PVT1: variants seen among roughly 807,000 people sequenced by gnomAD.
PVT1 encodes CXCR4/PVT1 fusion.
intron 2 of PVT1, among the ~76,000 whole-genome samples, chr8:127,813,062 A>G (rs1463324219): frequency 6.6e-6 from 1 of 151,268 alleles, no homozygotes; most frequent in Non-Finnish European, 1.5e-5. Flanking sequence ...AAATGGCATT[A>G]TATAGATATT....
intron 5 of PVT1, among the ~76,000 whole-genome samples, chr8:128,071,601 C>A (rs1189035133): frequency 1.3e-5 from 2 of 151,668 alleles, no homozygotes; most frequent in Non-Finnish European, 2.9e-5. Context: ...GGGAGGATCG[C>A]TTGAGCCCAG....
In PVT1 at chr8:127,960,323, C is replaced by G. The variant is rs1308190176; in HGVS notation, n.783-28839C>G. ...GTGGCAGAAGCCAGATCTCAGGTCA[C>G]AGAGTGGCTCTCCTCCATTTGCCTC... On this transcript the variant is annotated intron_variant and non_coding_transcript_variant, in intron 3 of 10. Transcript: ENST00000651587. 2.6e-5 allele frequency among the ~76,000 whole-genome samples: 4 copies of G among 152,258 alleles called. No individual in the cohort carries two copies. The East Asian group carries it at 5.8e-4, about 22-fold the overall frequency.
At chr8:128,088,200 C>T (rs951833556) in intron 5 of PVT1, among the ~76,000 whole-genome samples, 1 of 152,186 alleles carries the variant, frequency 6.6e-6, no homozygotes, top group African/African-American at 2.4e-5. Flanking sequence ...CTGGGCAGCC[C>T]CCTCAGCAAG....
intron 4 of PVT1, among the ~76,000 whole-genome samples, chr8:128,056,817 G>A (rs1813767878): frequency 6.6e-6 from 1 of 152,200 alleles, no homozygotes; most frequent in Admixed American, 6.5e-5. Flanking sequence ...AAACGTCATA[G>A]GCGCTTCTGA....
intron 2 of PVT1, among the ~76,000 whole-genome samples, chr8:127,817,002 A>G (rs1814668960): frequency 6.6e-6 from 1 of 152,090 alleles, no homozygotes; most frequent in Non-Finnish European, 1.5e-5. Context: ...AGTTGTTCGC[A>G]GGTGTCCCCC....
chr8:127,811,446 T>A (rs1016872923), intron 2 of PVT1, among the ~76,000 whole-genome samples: 4 of 152,082 alleles, frequency 2.6e-5, no homozygotes, highest in Non-Finnish European at 5.9e-5. Context: ...TCCTTTCCAT[T>A]CCCCCTGGGC....
rs756066672 is a variant in PVT1 at position 127,950,770 on chromosome 8, C to T, written n.783-38392C>T. Among the ~76,000 whole-genome samples the T allele has an allele frequency of 5.3e-5, 8 of 152,200 alleles. No individual in the cohort carries two copies. The East Asian group carries it at 5.8e-4, about 11-fold the overall frequency. ...TTCAGGTGCTCACAAGGAGCACCTT[C>T]GAGTGAGGAGGTGTAGGAGGGAGGA... On this transcript the variant is annotated intron_variant and non_coding_transcript_variant, in intron 3 of 10. Coordinates refer to ENST00000651587, the Ensembl canonical transcript of PVT1.
chr8:128,087,743 G>A (rs1814276650), intron 5 of PVT1, among the ~76,000 whole-genome samples: 1 of 132,232 alleles, frequency 7.6e-6, no homozygotes, highest in Admixed American at 8.5e-5. Flanking sequence ...TTCCTGATGT[G>A]CTACTTTTTT....
chr8:127,988,422 G>A (rs1025720014), intron 3 of PVT1, among the ~76,000 whole-genome samples: 1 of 152,206 alleles, frequency 6.6e-6, no homozygotes, highest in Non-Finnish European at 1.5e-5. Context: ...TGAAGGACAG[G>A]AGAGAAGGTC....
At chr8:128,034,899 C>T (rs1370856481) in intron 4 of PVT1, among the ~76,000 whole-genome samples, 1 of 152,146 alleles carries the variant, frequency 6.6e-6, no homozygotes, top group East Asian at 1.9e-4. Flanking sequence ...CCACAGTTTC[C>T]CCATCTGTAA....
chr8:127,800,635 G>T (rs1401831659), intron 2 of PVT1, among the ~76,000 whole-genome samples: 3 of 152,000 alleles, frequency 2.0e-5, no homozygotes, highest in African/African-American at 4.8e-5. Flanking sequence ...TCTCGATAGG[G>T]CTTATCTTCC....
chr8:127,930,079 G>T (rs1816185102), intron 3 of PVT1, among the ~76,000 whole-genome samples: 1 of 152,168 alleles, frequency 6.6e-6, no homozygotes, highest in African/African-American at 2.4e-5. Flanking sequence ...GATTTGCTGT[G>T]TGTTCCCAGC....
intron 3 of PVT1, among the ~76,000 whole-genome samples, chr8:127,946,337 A>G (rs958450413): frequency 6.6e-6 from 1 of 152,214 alleles, no homozygotes; most frequent in African/African-American, 2.4e-5. Context: ...AGTCTAGTGG[A>G]GGAAGGGGGA....
chr8:128,011,767 C>G (rs1411842211), intron 4 of PVT1, among the ~76,000 whole-genome samples: 1 of 152,048 alleles, frequency 6.6e-6, no homozygotes, highest in Non-Finnish European at 1.5e-5. Flanking sequence ...GAGAAGAGGT[C>G]AAATATACTT....
At chr8:128,072,185 A>G (rs978005777) in intron 5 of PVT1, among the ~76,000 whole-genome samples, 5 of 152,208 alleles carry the variant, frequency 3.3e-5, no homozygotes, top group African/African-American at 1.2e-4. Flanking sequence ...CCAAGGGAAC[A>G]TCACCATTGC....
At chr8:127,989,091 A>T (rs1185302448) in intron 3 of PVT1, 2 of 152,244 alleles carry the variant, frequency 1.3e-5, no homozygotes, top group South Asian at 2.1e-4. Flanking sequence ...TAAATGAATG[A>T]AACATCTCAT....
chr8:127,861,367 G>T (rs1473016241), intron 2 of PVT1, among the ~76,000 whole-genome samples: 4 of 152,194 alleles, frequency 2.6e-5, no homozygotes, highest in African/African-American at 9.7e-5. Flanking sequence ...CCAGCACTTT[G>T]GGAGGCCAAG....
chr8:128,037,870 T>G (rs974405951), intron 4 of PVT1, among the ~76,000 whole-genome samples: 2 of 152,184 alleles, frequency 1.3e-5, no homozygotes, highest in African/African-American at 4.8e-5. Context: ...GAACCACTGG[T>G]GTAGACTAGT....
At chr8:127,798,218 T>G (rs1814419573) in intron 2 of PVT1, among the ~76,000 whole-genome samples, 1 of 151,482 alleles carries the variant, frequency 6.6e-6, no homozygotes, top group South Asian at 2.1e-4. Context: ...GCAGGAGAAT[T>G]GCTTGAACCC....
Sources: gnomAD v4.1 joint callset for allele counts (sites outside exome capture counted in the v4.1 genomes callset) on GRCh38, gnomAD v4.1.1 for gene constraint, MANE v1.5 for transcripts, NCBI Gene and HGNC (gene_info 2026-07-23, HGNC 2026-07-21) for gene names.